Variants in ZFHX3 observed in about 807,000 individuals in gnomAD.
ZFHX3 encodes zinc finger homeobox 3, also known as zinc finger homeobox protein 3.
ZFHX3 carries 42 observed loss-of-function variants against 279.1 expected under a neutral mutation model. The ratio of observed to expected loss-of-function variants is 0.15; its 90% confidence interval spans 0.12 to 0.19. The LOEUF (loss-of-function observed/expected upper bound fraction) is 0.19, where lower values mean the gene tolerates loss of function less well. Among genes scored for constraint, ZFHX3 ranks in the 10% least tolerant of loss-of-function variants. The pLI, the probability that ZFHX3 is intolerant of heterozygous loss-of-function variation, is 1.00. For synonymous variants in ZFHX3, 2,293 were observed against 1,957.8 expected (o/e 1.17, Z -4.52); for missense variants, 4,981 against 4,754.0 (o/e 1.05, Z -1.40).
chr16:73,008,911 CGTGTGTGT>C (rs5817822), intron 1 of ZFHX3, among the ~76,000 whole-genome samples: 23 of 149,712 alleles, frequency 1.5e-4, no homozygotes, highest in East Asian at 3.9e-4. Context: ...AAAGTATATA[CGTGTGTGT>C]GTGTGTGTGT....
rs183780121 is a variant in ZFHX3, at chr16:73,041,490, T to C, written c.-50+6262A>G. On this transcript the variant is annotated intron_variant, in intron 1 of 9. Coordinates refer to ENST00000268489, the MANE Select transcript of ZFHX3 (RefSeq NM_006885.4). The stretch of plus-strand genomic sequence containing the variant: ...TTTTTAAGTGGGCAAAATACTATCT[T>C]ATGAAAAACAAACCAACAGGGGCCC... Among the ~76,000 whole-genome samples, 258 of 152,082 alleles carry C rather than the reference T, an allele frequency of 1.7e-3. 2 individuals carry two copies. In the South Asian group the frequency reaches 0.02, roughly 12 times the overall value.
At chr16:73,408,736 C>T (rs1373899236) in intron 3 of ZFHX3, among the ~76,000 whole-genome samples, 1 of 152,076 alleles carries the variant, frequency 6.6e-6, no homozygotes, top group Non-Finnish European at 1.5e-5. Context: ...GGTCATTGGC[C>T]AGATGCTGCT....
intron 4 of ZFHX3, among the ~76,000 whole-genome samples, chr16:73,271,129 C>A (rs774707040): frequency 1.3e-5 from 2 of 152,098 alleles, no homozygotes; most frequent in African/African-American, 4.8e-5. Flanking sequence ...TAGAGCTTGG[C>A]GTTGAGTGGA....
Position 73,631,927 on chromosome 16 carries a change from T to TCACA in ZFHX3, c.-1547+48249_-1547+48252dup, listed in dbSNP as rs60955432. Among the ~76,000 whole-genome samples the TCACA allele has an allele frequency of 5.9e-3, 807 of 136,802 alleles. 8 individuals are homozygous for TCACA. The highest frequency in any genetic ancestry group is 0.014 in the Middle Eastern group (4 of 282). The allele number at this position is 136,802 out of a possible 152,430, so 89.7% of individuals were successfully genotyped here. ...CTCTCTCTCTCTCTCTCTCTCTCTC[T>TCACA]CACACACACACACACACACACACAC... On this transcript the variant is annotated intron_variant, in intron 2 of 17. Transcript: ENST00000641206.
rs1041896662 is a variant in ZFHX3 at position 73,337,898 on chromosome 16, G to GGGGC, written c.-1290-19563_-1290-19562insGCCC. Among the ~76,000 whole-genome samples, 7 of 142,690 alleles carry GGGGC rather than the reference G, an allele frequency of 4.9e-5. 1 individual carries two copies. The highest frequency in any genetic ancestry group is 1.6e-5 in the Non-Finnish European group (1 of 64,088). 93.6% of individuals were successfully genotyped at this position (142,690 alleles called of 152,430 possible). A position where few individuals can be genotyped will look rare whatever the true frequency, so the allele number is the denominator to read the frequency against. On this transcript the variant is annotated intron_variant, in intron 3 of 17. Transcript: ENST00000641206. ...AGTCTTCATCTTCCCTTGGCGGGGG[G>GGGGC]GGGGGTCCTCATCCCCTTTTTATGC...
chr16:73,813,903 T>A (rs1960492387), intron 1 of ZFHX3: 1 of 152,254 alleles, frequency 6.6e-6, no homozygotes, highest in South Asian at 2.1e-4. Flanking sequence ...TTTTAATTTG[T>A]AATATTTGCT....
chr16:73,395,668 CT>C (rs1226608589), intron 3 of ZFHX3, among the ~76,000 whole-genome samples: 3 of 152,182 alleles, frequency 2.0e-5, no homozygotes, highest in African/African-American at 7.2e-5. Context: ...ATTAAAGCCC[CT>C]ATATGGCTAC....
intron 4 of ZFHX3, among the ~76,000 whole-genome samples, chr16:72,857,754 G>A (rs2037789110): frequency 6.6e-6 from 1 of 152,202 alleles, no homozygotes. Context: ...AACAAAAGCT[G>A]AGGAGTTATT....
In ZFHX3 at chr16:72,988,801, T is replaced by C. The variant is rs1252324213; in HGVS notation, c.-49-28607A>G. ...ATTGCAAAATCATCATAATTTTTCATCTTTATTCTTCACTGATAATTACTG... is the reference window on the plus strand; with the variant it reads ...ATTGCAAAATCATCATAATTTTTCACCTTTATTCTTCACTGATAATTACTG... On this transcript the variant is annotated intron_variant, in intron 1 of 9. Transcript: ENST00000268489. 3.9e-5 allele frequency among the ~76,000 whole-genome samples: 6 copies of C among 152,382 alleles called. No homozygotes were observed. The East Asian group carries it at 5.8e-4, about 15-fold the overall frequency.
chr16:73,303,172 G>T (rs1015076964), intron 4 of ZFHX3, among the ~76,000 whole-genome samples: 1 of 152,036 alleles, frequency 6.6e-6, no homozygotes, highest in East Asian at 1.9e-4. Context: ...AGGACTACAG[G>T]CACACACCAC....
rs148815385 is a variant in ZFHX3, at chr16:73,806,495, T to C, written c.-1608+85156A>G. Among the ~76,000 whole-genome samples the C allele has an allele frequency of 3.7e-3, 556 of 151,558 alleles. 6 individuals carry two copies. The highest frequency in any genetic ancestry group is 0.013 in the African/African-American group (516 of 41,200). ...GGCCTTTGGGGCAATATGGGGAAAG[T>C]GGGTCAGTCCTTGTACAGATACACA... On this transcript the variant is annotated intron_variant, in intron 1 of 17. Coordinates refer to the ZFHX3 transcript ENST00000641206.
chr16:73,765,586 T>G (rs2053924787), intron 1 of ZFHX3, among the ~76,000 whole-genome samples: 1 of 152,222 alleles, frequency 6.6e-6, no homozygotes, highest in South Asian at 2.1e-4. Context: ...CACCTGGGAC[T>G]TGAGTCAGTT....
At chr16:72,865,109 A>C (rs1048002924) in intron 4 of ZFHX3, among the ~76,000 whole-genome samples, 4 of 152,220 alleles carry the variant, frequency 2.6e-5, no homozygotes, top group Non-Finnish European at 5.9e-5. Flanking sequence ...TTTTAAACAG[A>C]AGATGAAACA....
intron 2 of ZFHX3, among the ~76,000 whole-genome samples, chr16:73,550,681 C>T (rs2020190412): frequency 6.6e-6 from 1 of 152,184 alleles, no homozygotes; most frequent in South Asian, 2.1e-4. Flanking sequence ...TTCTTCTAAG[C>T]ACCGCTTATA....
intron 7 of ZFHX3, among the ~76,000 whole-genome samples, chr16:73,123,764 G>T (rs1194868293): frequency 6.6e-6 from 1 of 152,146 alleles, no homozygotes. Flanking sequence ...TCTTTGGGAA[G>T]TGATTAGGTT....
intron 2 of ZFHX3, among the ~76,000 whole-genome samples, chr16:73,665,172 G>A (rs1331707765): frequency 6.6e-6 from 1 of 151,680 alleles, no homozygotes; most frequent in Non-Finnish European, 1.5e-5. Context: ...ACAGGTGCTT[G>A]GGGACCATTG....
intron 1 of ZFHX3, among the ~76,000 whole-genome samples, chr16:73,786,071 A>T (rs906761488): frequency 3.3e-5 from 5 of 152,008 alleles, no homozygotes; most frequent in African/African-American, 4.8e-5. Context: ...GGCTTTCTCC[A>T]TATTGGTCAG....
Position 72,787,741 on chromosome 16 carries a change from C to A in ZFHX3, c.10535G>T (p.Gly3512Val), listed in dbSNP as rs2035487578. The change falls in exon 10 of 10, where the codon GGC becomes GTC. Residue 3512 changes from glycine to valine, a missense_variant. Gly to Val is a moderately radical substitution (Grantham distance 109). Coordinates refer to ENST00000268489, the MANE Select transcript of ZFHX3 (RefSeq NM_006885.4). ...LHVPTGGGGG[G>V]SGGGGGGGGG... is the part of the protein sequence containing the mutation. The stretch of plus-strand genomic sequence containing the variant: ...GCCACCGCCGCCGCCGCCGCCACTG[C>A]CACCGCCGCCGCCGCCGGTGGGGAC... 1 of 1,375,656 alleles carries A rather than the reference C, an allele frequency of 7.3e-7. No homozygotes were observed. The highest frequency in any genetic ancestry group is 9.5e-7 in the Non-Finnish European group (1 of 1,048,630). The allele number at this position is 1,375,656 out of a possible 1,614,324, so 85.2% of individuals were successfully genotyped here.
intron 1 of ZFHX3, among the ~76,000 whole-genome samples, chr16:73,018,715 G>A (rs921367730): frequency 1.1e-4 from 16 of 152,214 alleles, no homozygotes; most frequent in African/African-American, 3.6e-4. Context: ...TCTTCACTCT[G>A]AGAATCTGAA....
Sources: allele counts gnomAD v4.1 joint callset (sites outside exome capture counted in the v4.1 genomes callset), GRCh38; gene constraint gnomAD v4.1.1; transcripts MANE v1.5; gene names NCBI Gene and HGNC (gene_info 2026-07-23, HGNC 2026-07-21).